SEMA3A: variants seen among roughly 807,000 people sequenced by gnomAD.
SEMA3A encodes semaphorin-3A.
SEMA3A carries 29 observed loss-of-function variants against 97.9 expected under a neutral mutation model. That is an observed-to-expected ratio of 0.30 (90% CI 0.22 to 0.40). The LOEUF is 0.40. SEMA3A is among the 10% of genes least tolerant of loss of function. The probability of loss-of-function intolerance (pLI) is 1.00; values close to 1 mark genes in which losing one functional copy is unlikely to be tolerated. For synonymous variants in SEMA3A, 321 were observed against 323.7 expected, an observed-to-expected ratio of 0.99 and a Z score of 0.09; for missense variants, 763 against 951.3, an observed-to-expected ratio of 0.80 and a Z score of 2.60.
chr7:84,295,309 T>A (rs1386768355), intron 3 of SEMA3A, among the ~76,000 whole-genome samples: 5 of 152,090 alleles, frequency 3.3e-5, no homozygotes, highest in Non-Finnish European at 5.9e-5. Context: ...ATTCATTATT[T>A]TTTTTTTATA....
intron 2 of SEMA3A, among the ~76,000 whole-genome samples, chr7:84,362,405 G>A (rs1466580289): frequency 2.0e-5 from 3 of 151,744 alleles, no homozygotes; most frequent in South Asian, 2.1e-4. Flanking sequence ...CATTATTCAG[G>A]GTTTTTATAG....
At chr7:84,192,863 A>G (rs748788671) in intron 1 of SEMA3A, among the ~76,000 whole-genome samples, 1 of 152,010 alleles carries the variant, frequency 6.6e-6, no homozygotes, top group African/African-American at 2.4e-5. Flanking sequence ...TTTGAGAACT[A>G]AAGTTGCATG....
chr7:84,087,608 G>A (rs929364483), intron 4 of SEMA3A, among the ~76,000 whole-genome samples: 2 of 152,128 alleles, frequency 1.3e-5, no homozygotes, highest in Non-Finnish European at 2.9e-5. Flanking sequence ...CTTGGGGACT[G>A]GAAATGAAAT....
chr7:84,335,249 T>C (rs1376479005), intron 2 of SEMA3A, among the ~76,000 whole-genome samples: 1 of 152,144 alleles, frequency 6.6e-6, no homozygotes, highest in Non-Finnish European at 1.5e-5. Context: ...ATAATTTCAA[T>C]TGGTCTTGGT....
chr7:84,330,738 T>A (rs1437993864), intron 2 of SEMA3A, among the ~76,000 whole-genome samples: 1 of 152,084 alleles, frequency 6.6e-6, no homozygotes, highest in Non-Finnish European at 1.5e-5. Context: ...TTTAGAATAC[T>A]ACAAGCACTT....
chr7:84,207,942 A>T (rs1263575818), intron 3 of SEMA3A, among the ~76,000 whole-genome samples: 1 of 152,168 alleles, frequency 6.6e-6, no homozygotes, highest in Non-Finnish European at 1.5e-5. Context: ...TAAGATTATA[A>T]GGCATTTTAG....
chr7:84,420,505 C>A (rs957501474), intron 1 of SEMA3A, among the ~76,000 whole-genome samples: 4 of 151,816 alleles, frequency 2.6e-5, no homozygotes, highest in Non-Finnish European at 4.4e-5. Context: ...ATTATCCAGT[C>A]TGAAAAACAG....
At chr7:84,185,520 A>T (rs927563767) in intron 1 of SEMA3A, among the ~76,000 whole-genome samples, 2 of 132,976 alleles carry the variant, frequency 1.5e-5, no homozygotes, top group African/African-American at 5.9e-5. Context: ...AAAAAAATTT[A>T]AAAAATAAAA....
rs1803630167 is a variant in SEMA3A, at chr7:84,393,149, T to C, written c.-245-21249A>G. Among the ~76,000 whole-genome samples, 3 of 152,294 alleles carry C rather than the reference T, an allele frequency of 2.0e-5. No homozygotes were observed. In the South Asian group the frequency reaches 6.2e-4, roughly 32 times the overall value. ...CATTATTGTATAGTTTTTGCCCCTA[T>C]GTTTTCTTCTAGACATTTTTAAGTT... is the stretch of plus-strand genomic sequence containing the variant. On this transcript the variant is annotated intron_variant, in intron 1 of 3. Coordinates refer to the SEMA3A transcript ENST00000424555.
intron 3 of SEMA3A, among the ~76,000 whole-genome samples, chr7:84,280,368 C>T (rs968009972): frequency 6.6e-6 from 1 of 152,132 alleles, no homozygotes; most frequent in African/African-American, 2.4e-5. Context: ...TTGTAAAAGA[C>T]CACTGTACCA....
intron 3 of SEMA3A, among the ~76,000 whole-genome samples, chr7:84,273,641 G>C (rs1800211793): frequency 6.6e-6 from 1 of 152,108 alleles, no homozygotes; most frequent in Non-Finnish European, 1.5e-5. Flanking sequence ...ACTAACATCT[G>C]TTGTAGGCAG....
chr7:84,286,735 C>A (rs993634369), intron 3 of SEMA3A, among the ~76,000 whole-genome samples: 4 of 152,236 alleles, frequency 2.6e-5, no homozygotes, highest in African/African-American at 7.2e-5. Context: ...TCCATCCACA[C>A]CCTAACTCAG....
intron 1 of SEMA3A, among the ~76,000 whole-genome samples, chr7:84,391,953 C>T (rs934685325): frequency 3.0e-5 from 3 of 99,586 alleles, no homozygotes; most frequent in African/African-American, 9.0e-5. Flanking sequence ...GAGTGAGACC[C>T]TGTCTCAAAA....
At chr7:84,422,507 C>A (rs1035224105) in intron 1 of SEMA3A, among the ~76,000 whole-genome samples, 2 of 151,916 alleles carry the variant, frequency 1.3e-5, no homozygotes, top group African/African-American at 4.8e-5. Flanking sequence ...TTTTTCATGT[C>A]TCTATCTCCT....
At chr7:84,474,131 C>G (rs1162288490) in intron 1 of SEMA3A, among the ~76,000 whole-genome samples, 1 of 152,150 alleles carries the variant, frequency 6.6e-6, no homozygotes, top group Non-Finnish European at 1.5e-5. Flanking sequence ...CTGACTATAA[C>G]ATAATATTAC....
intron 6 of SEMA3A, among the ~76,000 whole-genome samples, chr7:84,018,159 C>T (rs1791180197): frequency 6.6e-6 from 1 of 152,070 alleles, no homozygotes; most frequent in Admixed American, 6.5e-5. Flanking sequence ...GGTGTTGTTA[C>T]CTGCTGTACT....
intron 4 of SEMA3A, among the ~76,000 whole-genome samples, chr7:84,081,594 TAAA>T (rs5885397): frequency 2.9e-4 from 33 of 113,964 alleles, no homozygotes; most frequent in Non-Finnish European, 3.6e-4. Flanking sequence ...CTCCGTCTCT[TAAA>T]AAAAAAAAAA....
At chr7:84,254,483 G>T (rs1371578025) in intron 3 of SEMA3A, among the ~76,000 whole-genome samples, 1 of 152,150 alleles carries the variant, frequency 6.6e-6, no homozygotes, top group Non-Finnish European at 1.5e-5. Flanking sequence ...ATACGTGTTT[G>T]TACCCGAGTT....
intron 1 of SEMA3A, among the ~76,000 whole-genome samples, chr7:84,406,173 G>C (rs1416619286): frequency 1.3e-5 from 2 of 152,110 alleles, no homozygotes; most frequent in African/African-American, 4.8e-5. Flanking sequence ...AAGAAGAAAA[G>C]AGAGAAGTAT....
Sources: gnomAD v4.1 joint callset for allele counts (sites outside exome capture counted in the v4.1 genomes callset) on GRCh38, gnomAD v4.1.1 for gene constraint, MANE v1.5 for transcripts, NCBI Gene and HGNC (gene_info 2026-07-23, HGNC 2026-07-21) for gene names.